The following ASIC2 variants were observed in gnomAD, a reference collection of about 807,000 sequenced individuals.
The protein encoded by ASIC2 is acid-sensing ion channel 2.
Under a neutral mutation model 57.3 loss-of-function variants are expected in ASIC2, and 25 were observed. The observed-to-expected ratio is 0.44, with a 90% CI of 0.32 to 0.61. ASIC2 has a LOEUF of 0.61. ASIC2 is among the 20% of genes least tolerant of loss of function. The probability of loss-of-function intolerance (pLI) is 0.06; values close to 1 mark genes in which losing one functional copy is unlikely to be tolerated. For missense variants in ASIC2, 641 were observed against 738.1 expected (o/e 0.87, Z 1.52); for synonymous variants, 319 against 307.5 (o/e 1.04, Z -0.39).
At chr17:34,016,711 G>A (rs1906994063) in intron 1 of ASIC2, among the ~76,000 whole-genome samples, 1 of 152,176 alleles carries the variant, frequency 6.6e-6, no homozygotes, top group Admixed American at 6.5e-5. Flanking sequence ...GTTTAACTTT[G>A]AAGAAATGGA....
intron 1 of ASIC2, among the ~76,000 whole-genome samples, chr17:33,354,303 T>C (rs1217530714): frequency 3.9e-5 from 6 of 152,076 alleles, no homozygotes; most frequent in Non-Finnish European, 8.8e-5. Flanking sequence ...AATCCACTCA[T>C]CCTCATGCTC....
chr17:33,235,368 T>G (rs1436497941), intron 1 of ASIC2, among the ~76,000 whole-genome samples: 2 of 152,092 alleles, frequency 1.3e-5, no homozygotes, highest in African/African-American at 4.8e-5. Context: ...CTGGCAGTGT[T>G]CTAGACCAGG....
chr17:33,508,284 T>C (rs1427168717), intron 1 of ASIC2, among the ~76,000 whole-genome samples: 1 of 152,138 alleles, frequency 6.6e-6, no homozygotes, highest in Non-Finnish European at 1.5e-5. Flanking sequence ...TAAAGATGAG[T>C]ACAACAAGAG....
intron 1 of ASIC2, among the ~76,000 whole-genome samples, chr17:33,742,447 G>A (rs1910140450): frequency 6.6e-6 from 1 of 152,102 alleles, no homozygotes; most frequent in African/African-American, 2.4e-5. Context: ...GCTCTTGCTG[G>A]CCTTATAGTG....
chr17:33,446,617 T>C (rs1183745484), intron 1 of ASIC2, among the ~76,000 whole-genome samples: 1 of 152,186 alleles, frequency 6.6e-6, no homozygotes, highest in African/African-American at 2.4e-5. Context: ...AGAAAAGTAG[T>C]GACGTTCTGT....
intron 1 of ASIC2, among the ~76,000 whole-genome samples, chr17:33,966,741 C>T (rs1297174960): frequency 6.6e-6 from 1 of 152,218 alleles, no homozygotes; most frequent in Non-Finnish European, 1.5e-5. Flanking sequence ...TTGACTCCTT[C>T]TGTTCTCAGA....
chr17:33,085,579 G>A (rs1013513304), intron 3 of ASIC2, among the ~76,000 whole-genome samples: 1 of 152,222 alleles, frequency 6.6e-6, no homozygotes, highest in African/African-American at 2.4e-5. Flanking sequence ...TGTGAGGGCA[G>A]AGACTGCGTC....
chr17:33,894,504 T>C (rs902960032), intron 1 of ASIC2, among the ~76,000 whole-genome samples: 4 of 152,096 alleles, frequency 2.6e-5, no homozygotes, highest in African/African-American at 4.8e-5. Context: ...ATGCCACCAC[T>C]ATGAGAGTCA....
chr17:33,894,623 G>A (rs1396970508), intron 1 of ASIC2, among the ~76,000 whole-genome samples: 4 of 152,094 alleles, frequency 2.6e-5, no homozygotes, highest in African/African-American at 9.7e-5. Flanking sequence ...AGCAATCTTT[G>A]ATGGGCCTCA....
intron 1 of ASIC2, among the ~76,000 whole-genome samples, chr17:33,208,390 A>G (rs564454884): frequency 6.6e-5 from 10 of 151,992 alleles, no homozygotes; most frequent in Admixed American, 6.6e-5. Flanking sequence ...ACCCTCCCCA[A>G]CCCATCCCAG....
At chr17:33,238,126 G>C (rs1881073745) in intron 1 of ASIC2, among the ~76,000 whole-genome samples, 2 of 152,186 alleles carry the variant, frequency 1.3e-5, no homozygotes, top group Admixed American at 6.5e-5. Context: ...TTTTATTTTT[G>C]TTGAAAGCAC....
At chr17:33,491,245 C>T (rs897401633) in intron 1 of ASIC2, among the ~76,000 whole-genome samples, 2 of 152,166 alleles carry the variant, frequency 1.3e-5, no homozygotes, top group African/African-American at 4.8e-5. Context: ...CAGGCCAGAA[C>T]ACACACACAG....
chr17:33,095,315 C>T (rs914453278), intron 2 of ASIC2, among the ~76,000 whole-genome samples: 8 of 152,168 alleles, frequency 5.3e-5, no homozygotes, highest in Non-Finnish European at 8.8e-5. Context: ...ACCACCTCCT[C>T]GACATTTTCC....
At chr17:34,024,328 T>C (rs1421392675) in intron 1 of ASIC2, among the ~76,000 whole-genome samples, 1 of 152,232 alleles carries the variant, frequency 6.6e-6, no homozygotes, top group Admixed American at 6.5e-5. Flanking sequence ...AAAGGGTTAA[T>C]TTCAGATCCC....
At chr17:33,766,915 A>G (rs1910951568) in intron 1 of ASIC2, among the ~76,000 whole-genome samples, 1 of 152,224 alleles carries the variant, frequency 6.6e-6, no homozygotes, top group South Asian at 2.1e-4. Context: ...AAACTCTAAT[A>G]CAGATATAAG....
chr17:33,300,833 T>G (rs1004436640), intron 1 of ASIC2, among the ~76,000 whole-genome samples: 32 of 152,212 alleles, frequency 2.1e-4, no homozygotes, highest in African/African-American at 7.7e-4. Context: ...TTAACGAGCA[T>G]GCAGTTTAAC....
intron 1 of ASIC2, among the ~76,000 whole-genome samples, chr17:33,522,422 C>A (rs752834889): frequency 1.3e-5 from 2 of 152,310 alleles, no homozygotes; most frequent in East Asian, 1.9e-4. Context: ...CTGTGGGGGG[C>A]CCTGAGGTGT....
intron 3 of ASIC2, among the ~76,000 whole-genome samples, chr17:33,031,955 T>C (rs531992183): frequency 3.4e-4 from 52 of 152,356 alleles, no homozygotes; most frequent in African/African-American, 1.2e-3. Context: ...TTTGTTTTCA[T>C]CCTTCTACTT....
chr17:33,228,686 G>A (rs763302916), intron 1 of ASIC2, among the ~76,000 whole-genome samples: 5 of 152,246 alleles, frequency 3.3e-5, no homozygotes, highest in Non-Finnish European at 2.9e-5. Flanking sequence ...GCTGCGTCAC[G>A]TGTGAATGAG....
Sources: gnomAD v4.1 joint callset for allele counts (sites outside exome capture counted in the v4.1 genomes callset) on GRCh38, gnomAD v4.1.1 for gene constraint, MANE v1.5 for transcripts, NCBI Gene and HGNC (gene_info 2026-07-23, HGNC 2026-07-21) for gene names.